The following MLF2 variants were observed in gnomAD, a reference collection of about 807,000 sequenced individuals.
The protein encoded by MLF2 is myeloid leukemia factor 2.
Under a neutral mutation model 31.4 loss-of-function variants are expected in MLF2, and 12 were observed. The observed-to-expected ratio is 0.38, with a 90% CI of 0.24 to 0.62. MLF2 has a LOEUF of 0.62. MLF2 is among the 20% of genes least tolerant of loss of function. MLF2 has a pLI of 0.58. For synonymous variants in MLF2, 109 were observed against 118.8 expected, an observed-to-expected ratio of 0.92 and a Z score of 0.54; for missense variants, 272 against 359.7, an observed-to-expected ratio of 0.76 and a Z score of 1.97.
At chr12:6,751,778 G>A (rs765023890) in intron 3 of MLF2, 102 bp from the exon 4 acceptor site, 4 of 1,565,062 alleles carry the variant, frequency 2.6e-6, no homozygotes, top group African/African-American at 1.4e-5. Flanking sequence ...CTCTCAAAAG[G>A]GAGTCACAAA....
rs924424392 is a variant in MLF2 at position 6,753,114 on chromosome 12, C to G, written c.-204G>C. 7 of 393,642 alleles carry G rather than the reference C, an allele frequency of 1.8e-5. No homozygotes were observed. Among genetic ancestry groups the G allele is most frequent in the African/African-American group, 6.2e-5 (3 of 48,470 alleles). The allele number at this position is 393,642 out of a possible 1,614,324, so 24.4% of individuals were successfully genotyped here. A position where few individuals can be genotyped will look rare whatever the true frequency, so the allele number is the denominator to read the frequency against. On this transcript the variant is annotated 5_prime_UTR_variant, in exon 1 of 9. Transcript: ENST00000203630. Reference sequence around the variant, plus strand: ...TACGGCCCCCTCGGCCAACGGAGCCCGAACCTCGGCCAGGCCCGGGCGGAA... The same window carrying G: ...TACGGCCCCCTCGGCCAACGGAGCCGGAACCTCGGCCAGGCCCGGGCGGAA...
Position 6,753,127 on chromosome 12 carries a change from G to T in MLF2, c.-217C>A. 2.5e-6 allele frequency: 1 copy of T among 394,544 alleles called. No individual in the cohort carries two copies. The highest frequency in any genetic ancestry group is 4.5e-6 in the Non-Finnish European group (1 of 223,912). 24.4% of individuals were successfully genotyped at this position (394,544 alleles called of 1,614,324 possible). ...GCCAACGGAGCCCGAACCTCGGCCA[G>T]GCCCGGGCGGAAGTGACGTCACGAT... On this transcript the variant is annotated 5_prime_UTR_variant, in exon 1 of 9. It adds an upstream start codon to the 5' untranslated region. Transcript: ENST00000203630.
chr12:6,748,872 C>G lies in MLF2; in HGVS notation c.670G>C (p.Ala224Pro). ...LESSGAGGRR[A>P]EGPPRLAIQG... Reference sequence around the variant, plus strand: ...ATGGCCAGGCGGGGAGGCCCCTCCGCCCTTCGTCCCCCAGCCCCTGAGGAC... The same window carrying G: ...ATGGCCAGGCGGGGAGGCCCCTCCGGCCTTCGTCCCCCAGCCCCTGAGGAC... Residue 224 changes from alanine (A) to proline (P), a missense_variant, in exon 8 of 9, where the codon GCG becomes CCG. By Grantham distance (27) the Ala-to-Pro change is conservative. Transcript: ENST00000203630. The surrounding 1 kb of genome is among the most constrained non-coding windows in gnomAD (Gnocchi z 4.6). 1 of 1,597,786 alleles carries G rather than the reference C, an allele frequency of 6.3e-7. No homozygotes were observed. Among genetic ancestry groups the G allele is most frequent in the Non-Finnish European group, 8.5e-7 (1 of 1,173,686 alleles).
chr12:6,750,156 C>A lies in MLF2; in HGVS notation c.399+21G>T. The stretch of plus-strand genomic sequence containing the variant: ...CCGCTCAATCCTACCTTCTCTGGGA[C>A]AGGAGGGCTCCCCAACTCACCCCGC... On this transcript the variant is annotated intron_variant, in intron 6 of 8. Coordinates refer to ENST00000203630, the MANE Select transcript of MLF2 (RefSeq NM_001382226.1). The surrounding 1 kb of genome is among the most constrained non-coding windows in gnomAD (Gnocchi z 5.3). 1.2e-6 allele frequency: 2 copies of A among 1,614,146 alleles called. No individual in the cohort carries two copies. Among genetic ancestry groups the A allele is most frequent in the Non-Finnish European group, 1.7e-6 (2 of 1,180,014 alleles).
chr12:6,751,022 A>C, intron 4 of MLF2: 2 of 464,650 alleles, frequency 4.3e-6, no homozygotes, highest in Non-Finnish European at 7.9e-6. Flanking sequence ...TATTCCCCCC[A>C]TCTTTAGGAA....
At position 6,752,088 on chromosome 12, in the gene MLF2, G is replaced by C; in HGVS notation, c.51-34C>G. 2 of 1,613,020 alleles carry C rather than the reference G, an allele frequency of 1.2e-6. No individual in the cohort carries two copies. On this transcript the variant is annotated intron_variant, in intron 2 of 8. Coordinates refer to ENST00000203630, the MANE Select transcript of MLF2 (RefSeq NM_001382226.1). The surrounding 1 kb of genome is among the most constrained non-coding windows in gnomAD (Gnocchi z 4.6). ...TGAGCACATAGTATGGATGGCAGAAGCGCCAAACTGTCAATCCCTCCACCA... is the reference window on the plus strand; with the variant it reads ...TGAGCACATAGTATGGATGGCAGAACCGCCAAACTGTCAATCCCTCCACCA...
Position 6,752,112 on chromosome 12 carries a change from C to A in MLF2, c.51-58G>T. 5 of 1,608,490 alleles carry A rather than the reference C, an allele frequency of 3.1e-6. No individual in the cohort carries two copies. The highest frequency in any genetic ancestry group is 3.4e-6 in the Non-Finnish European group (4 of 1,176,108). On this transcript the variant is annotated intron_variant, in intron 2 of 8. Coordinates refer to ENST00000203630, the MANE Select transcript of MLF2 (RefSeq NM_001382226.1). This position sits in a 1 kb window ranked among gnomAD's most constrained non-coding sequence, Gnocchi z 4.6. ...AGCGCCAAACTGTCAATCCCTCCAC[C>A]ACCCTGCAAAAAAATACGCACAGAG...
chr12:6,750,450 C>T lies in MLF2; in HGVS notation c.271-145G>A. On this transcript the variant is annotated intron_variant, in intron 5 of 8. Coordinates refer to ENST00000203630, the MANE Select transcript of MLF2 (RefSeq NM_001382226.1). The surrounding 1 kb of genome is among the most constrained non-coding windows in gnomAD (Gnocchi z 5.3). ...AAACATCAGGCCTCATCATTACCCT[C>T]CCAAATTCCTCTGAGTCCAACCACG... 2 of 1,170,870 alleles carry T rather than the reference C, an allele frequency of 1.7e-6. No individual in the cohort carries two copies. The highest frequency in any genetic ancestry group is 2.5e-5 in the East Asian group (1 of 40,748). The allele number at this position is 1,170,870 out of a possible 1,614,324, so 72.5% of individuals were successfully genotyped here.
Position 6,750,345 on chromosome 12 carries a change from C to T in MLF2, c.271-40G>A. The T allele has an allele frequency of 1.2e-6, 2 of 1,605,190 alleles. No homozygotes were observed. Among genetic ancestry groups the T allele is most frequent in the Non-Finnish European group, 1.7e-6 (2 of 1,175,016 alleles). On this transcript the variant is annotated intron_variant, in intron 5 of 8. Transcript: ENST00000203630. This position sits in a 1 kb window ranked among gnomAD's most constrained non-coding sequence, Gnocchi z 5.3. ...GGTAGGGGAGGGCTGAATGGGGAGG[C>T]ATCACCCCTGGTGAAGGGATTTCAC...
Position 6,749,813 on chromosome 12 carries a change from G to A in MLF2, c.559+35C>T. 1 of 1,611,922 alleles carries A rather than the reference G, an allele frequency of 6.2e-7. No homozygotes were observed. On this transcript the variant is annotated intron_variant, in intron 7 of 8. Transcript: ENST00000203630. The surrounding 1 kb of genome is among the most constrained non-coding windows in gnomAD (Gnocchi z 5.3). ...GGGATGTCCACGGGAACCGGGTTAGGGGCTGCCAGCCAGGAAGCGGGAGGG... is the reference window on the plus strand; with the variant it reads ...GGGATGTCCACGGGAACCGGGTTAGAGGCTGCCAGCCAGGAAGCGGGAGGG...
chr12:6,748,858 G>A lies in MLF2; in HGVS notation c.684C>T (p.Pro228=). 6.3e-7 allele frequency: 1 copy of A among 1,589,078 alleles called. No homozygotes were observed. Among genetic ancestry groups the A allele is most frequent in the Non-Finnish European group, 8.5e-7 (1 of 1,170,636 alleles). Residue 228 remains proline (P), a synonymous_variant, in exon 8 of 9, where the codon CCC becomes CCT. Transcript: ENST00000203630. This position sits in a 1 kb window ranked among gnomAD's most constrained non-coding sequence, Gnocchi z 4.6. The part of the protein sequence containing the change: ...GAGGRRAEGP[P]RLAIQGPEDS... Reference sequence around the variant, plus strand: ...CCTCAGGTCCCTGGATGGCCAGGCGGGGAGGCCCCTCCGCCCTTCGTCCCC... The same window carrying A: ...CCTCAGGTCCCTGGATGGCCAGGCGAGGAGGCCCCTCCGCCCTTCGTCCCC...
intron 3 of MLF2, 34 bp from the exon 4 acceptor site, chr12:6,751,710 C>T: frequency 6.2e-7 from 1 of 1,612,368 alleles, no homozygotes. Context: ...AAATTAGAGA[C>T]CACATCCTAT....
intron 4 of MLF2, chr12:6,751,286 C>G: frequency 3.5e-6 from 1 of 285,002 alleles, no homozygotes; most frequent in Non-Finnish European, 6.6e-6. Flanking sequence ...GGCGCAGTCT[C>G]GGCTCACTGC....
In MLF2 at chr12:6,748,222, G is replaced by C. The variant is rs540860379; in HGVS notation, c.*351C>G. On this transcript the variant is annotated 3_prime_UTR_variant, in exon 9 of 9. Transcript: ENST00000203630. This position sits in a 1 kb window ranked among gnomAD's most constrained non-coding sequence, Gnocchi z 4.6. ...CAAAGATCCAGGGTAGCTGAGGGAT[G>C]GAGGGGGCCCCTAAACCCAGAGCTC... 1 of 152,546 alleles carries C rather than the reference G, an allele frequency of 6.6e-6. No individual in the cohort carries two copies. The highest frequency in any genetic ancestry group is 6.5e-5 in the Admixed American group (1 of 15,300). The allele number at this position is 152,546 out of a possible 1,614,324, so 9.4% of individuals were successfully genotyped here.
In MLF2 at chr12:6,750,853, C is replaced by T; in HGVS notation, c.217-87G>A. ...GTTTAGGAACCCACAACCCACATGG[C>T]TGCACATTTCCTTTCTCTTCTTCCT... On this transcript the variant is annotated intron_variant, in intron 4 of 8. Coordinates refer to ENST00000203630, the MANE Select transcript of MLF2 (RefSeq NM_001382226.1). The surrounding 1 kb of genome is among the most constrained non-coding windows in gnomAD (Gnocchi z 5.3). The T allele has an allele frequency of 8.8e-7, 1 of 1,137,168 alleles. No homozygotes were observed. Among genetic ancestry groups the T allele is most frequent in the South Asian group, 1.3e-5 (1 of 78,196 alleles). The allele number at this position is 1,137,168 out of a possible 1,614,324, so 70.4% of individuals were successfully genotyped here.
chr12:6,752,105 C>G lies in MLF2; in HGVS notation c.51-51G>C. ...TGGCAGAAGCGCCAAACTGTCAATC[C>G]CTCCACCACCCTGCAAAAAAATACG... On this transcript the variant is annotated intron_variant, in intron 2 of 8. Coordinates refer to ENST00000203630, the MANE Select transcript of MLF2 (RefSeq NM_001382226.1). The surrounding 1 kb of genome is among the most constrained non-coding windows in gnomAD (Gnocchi z 4.6). 6.2e-7 allele frequency: 1 copy of G among 1,609,300 alleles called. No homozygotes were observed. The highest frequency in any genetic ancestry group is 8.5e-7 in the Non-Finnish European group (1 of 1,176,468).
chr12:6,748,519 GGAT>G lies in MLF2; in HGVS notation c.*51_*53del. The G allele has an allele frequency of 2.9e-6, 1 of 350,638 alleles. No homozygotes were observed. Among genetic ancestry groups the G allele is most frequent in the East Asian group, 4.3e-5 (1 of 22,998 alleles). The allele number at this position is 350,638 out of a possible 1,614,324, so 21.7% of individuals were successfully genotyped here. A position where few individuals can be genotyped will look rare whatever the true frequency, so the allele number is the denominator to read the frequency against. On this transcript the variant is annotated 3_prime_UTR_variant, in exon 9 of 9. Transcript: ENST00000203630. The surrounding 1 kb of genome is among the most constrained non-coding windows in gnomAD (Gnocchi z 4.6). ...AATCGAGAGGAAAAAGTTATTCAGG[GGAT>G]GATTTCTCAGCCTCTCAGCCTGTAC...
chr12:6,752,354 G>C lies in MLF2; in HGVS notation c.-20C>G, dbSNP rs1242920383. ...GAACATCCTGATCTCAGCTCCAGGG[G>C]GCTCCACACTGGAAAGATATGGAAG... is the stretch of plus-strand genomic sequence containing the variant. On this transcript the variant is annotated 5_prime_UTR_variant, in exon 2 of 9. Coordinates refer to ENST00000203630, the MANE Select transcript of MLF2 (RefSeq NM_001382226.1). The surrounding 1 kb of genome is among the most constrained non-coding windows in gnomAD (Gnocchi z 4.6). 4 of 1,555,436 alleles carry C rather than the reference G, an allele frequency of 2.6e-6. No homozygotes were observed. The highest frequency in any genetic ancestry group is 3.5e-6 in the Non-Finnish European group (4 of 1,148,838).
In MLF2 at chr12:6,750,869, T is replaced by C. The variant is rs770559095; in HGVS notation, c.217-103A>G. 1.5e-5 allele frequency: 14 copies of C among 946,910 alleles called. No homozygotes were observed. In the Admixed American group the frequency reaches 2.2e-4, roughly 15 times the overall value. 58.7% of individuals were successfully genotyped at this position (946,910 alleles called of 1,614,324 possible). ...CCCACATGGCTGCACATTTCCTTTC[T>C]CTTCTTCCTTCACATCTAGCAAGTT... On this transcript the variant is annotated intron_variant, in intron 4 of 8. Coordinates refer to ENST00000203630, the MANE Select transcript of MLF2 (RefSeq NM_001382226.1). This position sits in a 1 kb window ranked among gnomAD's most constrained non-coding sequence, Gnocchi z 5.3.
Sources: allele counts gnomAD v4.1 joint callset, GRCh38; gene constraint gnomAD v4.1.1; non-coding constraint Gnocchi (gnomAD v3.1); transcripts MANE v1.5; gene names NCBI Gene and HGNC (gene_info 2026-07-23, HGNC 2026-07-21).